LRP1B: variants seen among roughly 807,000 people sequenced by gnomAD.
The protein encoded by LRP1B is low-density lipoprotein receptor-related protein 1B.
Under a neutral mutation model 556.6 loss-of-function variants are expected in LRP1B, and 217 were observed. The ratio of observed to expected loss-of-function variants is 0.39; its 90% CI spans 0.35 to 0.44. LRP1B has a LOEUF of 0.44. Ranked by LOEUF, LRP1B falls within the 20% of genes least tolerant of loss-of-function variation. The probability of loss-of-function intolerance (pLI) is 1.00; values close to 1 mark genes in which losing one functional copy is unlikely to be tolerated. For synonymous variants in LRP1B, 2,047 were observed against 1,865.8 expected, an observed-to-expected ratio of 1.10 and a Z score of -2.50; for missense variants, 5,053 against 5,620.8, an observed-to-expected ratio of 0.90 and a Z score of 3.23.
intron 3 of LRP1B, among the ~76,000 whole-genome samples, chr2:141,291,931 C>T (rs146977362): frequency 1.8e-3 from 265 of 147,046 alleles, no homozygotes; most frequent in African/African-American, 6.2e-3. Context: ...GTAAAAAGAT[C>T]CCTTTATTCA....
At chr2:140,646,296 C>T (rs1404808479) in intron 41 of LRP1B, among the ~76,000 whole-genome samples, 1 of 152,136 alleles carries the variant, frequency 6.6e-6, no homozygotes, top group East Asian at 1.9e-4. Flanking sequence ...AAAAACCTGG[C>T]AGGTAGACCT....
intron 2 of LRP1B, among the ~76,000 whole-genome samples, chr2:141,680,159 T>C (rs1021421224): frequency 1.3e-5 from 2 of 152,080 alleles, no homozygotes; most frequent in Non-Finnish European, 2.9e-5. Context: ...AGATATTTCA[T>C]AATATTTTAA....
chr2:140,357,842 G>A (rs1414575128), intron 74 of LRP1B, 137 bp downstream of exon 74: 1 of 982,248 alleles, frequency 1.0e-6, no homozygotes, highest in East Asian at 2.5e-5. Flanking sequence ...ATGTTGCTTT[G>A]GCAAAGGTTT....
intron 3 of LRP1B, among the ~76,000 whole-genome samples, chr2:141,476,516 C>G (rs1682711245): frequency 6.6e-6 from 1 of 152,102 alleles, no homozygotes; most frequent in Admixed American, 6.5e-5. Context: ...AAAGTTTTTA[C>G]TGTAAAACTT....
chr2:141,039,352 T>C (rs2105428890), intron 11 of LRP1B, among the ~76,000 whole-genome samples: 2 of 152,180 alleles, frequency 1.3e-5, no homozygotes, highest in East Asian at 3.9e-4. Context: ...TGTGAGTCTC[T>C]TACTATGCCC....
intron 2 of LRP1B, among the ~76,000 whole-genome samples, chr2:141,704,636 T>G (rs1382435223): frequency 6.6e-6 from 1 of 151,954 alleles, no homozygotes; most frequent in African/African-American, 2.4e-5. Flanking sequence ...TTTATCTCCC[T>G]TGTTAAAAAT....
intron 1 of LRP1B, among the ~76,000 whole-genome samples, chr2:142,079,089 TTTAA>T (rs1002454712): frequency 3.3e-5 from 5 of 152,170 alleles, no homozygotes; most frequent in South Asian, 2.1e-4. Context: ...TTAATGTCCA[TTTAA>T]TTAATTTTTG....
Position 141,873,560 on chromosome 2 carries a change from T to A in LRP1B, c.83-63159A>T, listed in dbSNP as rs1287070025. ...GTATGACTTCATAATTAGAAAAAAA[T>A]AATTTATGTGTCTGTGTTCCACTAC... On this transcript the variant is annotated intron_variant, in intron 1 of 90. Coordinates refer to ENST00000389484, the MANE Select transcript of LRP1B (RefSeq NM_018557.3). Among the ~76,000 whole-genome samples the A allele has an allele frequency of 6.6e-5, 10 of 151,876 alleles. 1 individual carries two copies. Among genetic ancestry groups the A allele is most frequent in the Non-Finnish European group, 1.2e-4 (8 of 67,926 alleles).
intron 2 of LRP1B, among the ~76,000 whole-genome samples, chr2:141,645,110 G>A (rs977803214): frequency 6.6e-6 from 1 of 152,066 alleles, no homozygotes; most frequent in Non-Finnish European, 1.5e-5. Flanking sequence ...TTATATTAGG[G>A]TAGGAGTATT....
chr2:141,493,687 T>C (rs1683416626), intron 2 of LRP1B, among the ~76,000 whole-genome samples: 2 of 152,122 alleles, frequency 1.3e-5, no homozygotes, highest in Admixed American at 1.3e-4. Flanking sequence ...AGGAGATTAT[T>C]TGAGGGGTCC....
intron 21 of LRP1B, among the ~76,000 whole-genome samples, chr2:140,908,962 G>A (rs1234235180): frequency 2.0e-5 from 3 of 152,110 alleles, no homozygotes; most frequent in African/African-American, 7.2e-5. Context: ...ACTATGCCCA[G>A]CTAATTTTGT....
chr2:141,643,031 G>C (rs770167098), intron 2 of LRP1B, among the ~76,000 whole-genome samples: 4 of 152,122 alleles, frequency 2.6e-5, no homozygotes, highest in African/African-American at 4.8e-5. Flanking sequence ...TGAAAAATGT[G>C]ATGAAAGAAT....
rs1213998145 is a variant in LRP1B, at chr2:140,322,029, C to A, written c.12574G>T (p.Ala4192Ser). The A allele has an allele frequency of 2.5e-6, 4 of 1,612,782 alleles. No homozygotes were observed. The highest frequency in any genetic ancestry group is 1.3e-5 in the African/African-American group (1 of 74,842). Reference sequence around the variant, plus strand: ...TTTCCTTCTGGACACACACAAGTGGCCCCAGAAGGATTTAGCAAGCAAAGA... The same window carrying A: ...TTTCCTTCTGGACACACACAAGTGGACCCAGAAGGATTTAGCAAGCAAAGA... ...EFLCLLNPSGATCVCPEGKYL... is the reference protein window; with the variant it reads ...EFLCLLNPSGSTCVCPEGKYL... The change falls in exon 82 of 91, where the codon GCC (alanine) becomes TCC (serine). Residue 4192 changes from alanine (A) to serine (S), a missense_variant. Around this residue, in one of 5 missense-constraint regions of LRP1B, gnomAD observed 551 missense variants for 592.0 expected, o/e 0.93. Coordinates refer to ENST00000389484, the MANE Select transcript of LRP1B (RefSeq NM_018557.3).
intron 2 of LRP1B, among the ~76,000 whole-genome samples, chr2:141,691,475 C>G (rs914538409): frequency 4.0e-5 from 6 of 151,230 alleles, no homozygotes; most frequent in African/African-American, 1.5e-4. Context: ...AACACACACA[C>G]ACACACACAC....
rs551460247 is a variant in LRP1B, at chr2:140,277,541, TGTGACATTGGAGTCAC to T, written c.12968-2959_12968-2944del. On this transcript the variant is annotated intron_variant, in intron 84 of 90. Coordinates refer to ENST00000389484, the MANE Select transcript of LRP1B (RefSeq NM_018557.3). ...GGCAGAGGTTTCAGTGAGCCAAGAT[TGTGACATTGGAGTCAC>T]GTGACATTGGAGTGTAAACTCCAGC... 1.5e-3 allele frequency among the ~76,000 whole-genome samples: 223 copies of T among 151,996 alleles called. 1 individual carries two copies. The highest frequency in any genetic ancestry group is 5.0e-3 in the African/African-American group (208 of 41,506).
At chr2:141,200,635 G>A (rs79518676) in intron 6 of LRP1B, among the ~76,000 whole-genome samples, 3,060 of 151,964 alleles carry the variant, frequency 0.02, 39 homozygotes, top group Middle Eastern at 0.034. Flanking sequence ...ATACATACAC[G>A]CATACACACG....
At chr2:141,453,667 C>T (rs1681508742) in intron 3 of LRP1B, among the ~76,000 whole-genome samples, 1 of 152,112 alleles carries the variant, frequency 6.6e-6, no homozygotes, top group African/African-American at 2.4e-5. Context: ...CCTGTAATCC[C>T]AGCACTTTGG....
chr2:141,821,808 T>A (rs1344318416), intron 1 of LRP1B, among the ~76,000 whole-genome samples: 1 of 152,120 alleles, frequency 6.6e-6, no homozygotes, highest in Non-Finnish European at 1.5e-5. Context: ...CACAAAAACA[T>A]CTTATATAAA....
chr2:141,369,821 T>G (rs1178948527), intron 3 of LRP1B, among the ~76,000 whole-genome samples: 1 of 152,170 alleles, frequency 6.6e-6, no homozygotes, highest in Admixed American at 6.5e-5. Flanking sequence ...AAGTCACCAT[T>G]GTCCATCATT....
Sources: gnomAD v4.1 joint callset for allele counts (sites outside exome capture counted in the v4.1 genomes callset) on GRCh38, gnomAD v4.1.1 for gene constraint, gnomAD v4.1.1 regional missense constraint, MANE v1.5 for transcripts, NCBI Gene and HGNC (gene_info 2026-07-23, HGNC 2026-07-21) for gene names.